The following GFRAL variants were observed in gnomAD, a reference collection of about 807,000 sequenced individuals.
GFRAL encodes GDNF family receptor alpha like.
Under a neutral mutation model 45.4 loss-of-function variants are expected in GFRAL, and 36 were observed. The ratio of observed to expected loss-of-function variants is 0.79; its 90% CI spans 0.61 to 1.05. GFRAL has a LOEUF of 1.05. GFRAL is among the 50% of genes least tolerant of loss of function. The pLI is 0.00. For synonymous variants in GFRAL, 166 were observed against 154.1 expected (o/e 1.08, Z -0.57); for missense variants, 507 against 467.5 (o/e 1.08, Z -0.78).
chr6:55,329,349 A>G (rs1271131274), intron 1 of GFRAL, among the ~76,000 whole-genome samples: 2 of 152,152 alleles, frequency 1.3e-5, no homozygotes, highest in Non-Finnish European at 2.9e-5. Flanking sequence ...GAAGTAAAAC[A>G]TATTTGGGGA....
chr6:55,351,538 C>T lies in GFRAL; in HGVS notation c.656C>T (p.Thr219Ile). Residue 219 changes from threonine to isoleucine, a missense_variant, in exon 5 of 9, where the codon ACT becomes ATT. Transcript: ENST00000340465. ...GCAGTGAACATGGTTCCACCCCCTA[C>T]TTGCCTCAGTGTAATTCGCAGCTGC... ...TCAVNMVPPP[T>I]CLSVIRSCQN... 2 of 1,607,670 alleles carry T rather than the reference C, an allele frequency of 1.2e-6. No individual in the cohort carries two copies. Among genetic ancestry groups the T allele is most frequent in the Non-Finnish European group, 1.7e-6 (2 of 1,174,792 alleles).
At chr6:55,343,550 C>G (rs1328828349) in intron 3 of GFRAL, among the ~76,000 whole-genome samples, 1 of 152,138 alleles carries the variant, frequency 6.6e-6, no homozygotes, top group Non-Finnish European at 1.5e-5. Context: ...AAATTTATAG[C>G]ACTAAATGCC....
intron 3 of GFRAL, among the ~76,000 whole-genome samples, chr6:55,349,699 C>T (rs1768088643): frequency 1.3e-5 from 2 of 151,622 alleles, no homozygotes; most frequent in Non-Finnish European, 2.9e-5. Context: ...CTAAAGAAGA[C>T]CCTTCTGAGA....
chr6:55,393,925 T>C (rs1409993343), intron 6 of GFRAL, among the ~76,000 whole-genome samples: 3 of 152,126 alleles, frequency 2.0e-5, no homozygotes, highest in Non-Finnish European at 4.4e-5. Context: ...AGGAAAAAAG[T>C]TGAGATTACT....
At chr6:55,392,284 G>T (rs1458175053) in intron 6 of GFRAL, among the ~76,000 whole-genome samples, 1 of 152,090 alleles carries the variant, frequency 6.6e-6, no homozygotes, top group Non-Finnish European at 1.5e-5. Flanking sequence ...GAACTTTACG[G>T]GAGCAAGGTC....
chr6:55,377,694 T>C (rs773184612), intron 6 of GFRAL, among the ~76,000 whole-genome samples: 5 of 152,028 alleles, frequency 3.3e-5, no homozygotes, highest in Non-Finnish European at 7.4e-5. Flanking sequence ...TGCCACAGTA[T>C]TTCCAACAAA....
rs1356512708 is a variant in GFRAL, at chr6:55,399,163, T to C, written c.953-17T>C. The C allele has an allele frequency of 1.4e-6, 2 of 1,387,304 alleles. No homozygotes were observed. Among genetic ancestry groups the C allele is most frequent in the Non-Finnish European group, 2.0e-6 (2 of 1,004,176 alleles). The allele number at this position is 1,387,304 out of a possible 1,614,324, so 85.9% of individuals were successfully genotyped here. ...GTATGATATGTAACTAATCTCATTTTTATGATTTTCTTTCAGATTATCCAA... is the reference window on the plus strand; with the variant it reads ...GTATGATATGTAACTAATCTCATTTCTATGATTTTCTTTCAGATTATCCAA... On this transcript the variant is annotated splice_polypyrimidine_tract_variant and intron_variant, in intron 6 of 8. Transcript: ENST00000340465.
At chr6:55,335,346 G>A (rs1308214480) in intron 3 of GFRAL, among the ~76,000 whole-genome samples, 2 of 151,924 alleles carry the variant, frequency 1.3e-5, no homozygotes. Context: ...TTTGAGAGCT[G>A]TTTCTGCAAG....
intron 3 of GFRAL, among the ~76,000 whole-genome samples, chr6:55,348,508 C>T (rs1378632349): frequency 6.6e-6 from 1 of 151,966 alleles, no homozygotes; most frequent in East Asian, 1.9e-4. Flanking sequence ...TCCCCAGTTC[C>T]GGATTACGAA....
At chr6:55,356,548 T>G (rs80075234) in intron 5 of GFRAL, among the ~76,000 whole-genome samples, 7,636 of 151,960 alleles carry the variant, frequency 0.05, 287 homozygotes, top group African/African-American at 0.094. Flanking sequence ...TGGCATCATT[T>G]GTAATATTTC....
chr6:55,389,928 T>C (rs1352997090), intron 6 of GFRAL, among the ~76,000 whole-genome samples: 1 of 152,254 alleles, frequency 6.6e-6, no homozygotes, highest in East Asian at 1.9e-4. Flanking sequence ...TCAGTAGAGA[T>C]AATGATGCTG....
chr6:55,373,267 G>A (rs932034129), intron 6 of GFRAL, among the ~76,000 whole-genome samples: 18 of 152,044 alleles, frequency 1.2e-4, no homozygotes, highest in African/African-American at 4.3e-4. Flanking sequence ...TCCTCTGAAA[G>A]GTTCTTCCTT....
At chr6:55,341,095 G>C (rs1562049532) in intron 3 of GFRAL, among the ~76,000 whole-genome samples, 1 of 152,224 alleles carries the variant, frequency 6.6e-6, no homozygotes, top group African/African-American at 2.4e-5. Context: ...CCACCTCTGT[G>C]GGCAGGGCAT....
At chr6:55,336,958 T>A (rs1020546806) in intron 3 of GFRAL, among the ~76,000 whole-genome samples, 3 of 152,138 alleles carry the variant, frequency 2.0e-5, no homozygotes, top group South Asian at 2.1e-4. Flanking sequence ...CAAATACTTT[T>A]TTAGCCTCTA....
At chr6:55,384,877 A>AC (rs1002682245) in intron 6 of GFRAL, among the ~76,000 whole-genome samples, 1 of 151,612 alleles carries the variant, frequency 6.6e-6, no homozygotes, top group African/African-American at 2.4e-5. Flanking sequence ...AAAAAAAAAA[A>AC]AAGTCAGACT....
In GFRAL at chr6:55,348,239, T is replaced by A. The variant is rs74372032; in HGVS notation, c.317-1853T>A. Reference sequence around the variant, plus strand: ...AAAATATCCTCTGGGAAAAAATGAGTGTGTGTGTGTGTGTGTGTGTATGTG... The same window carrying A: ...AAAATATCCTCTGGGAAAAAATGAGAGTGTGTGTGTGTGTGTGTGTATGTG... On this transcript the variant is annotated intron_variant, in intron 3 of 8. Coordinates refer to ENST00000340465, the MANE Select transcript of GFRAL (RefSeq NM_207410.2). Among the ~76,000 whole-genome samples the A allele has an allele frequency of 1.1e-4, 5 of 43,840 alleles. No homozygotes were observed. In the East Asian group the frequency reaches 1.5e-3, roughly 13 times the overall value. 28.8% of individuals were successfully genotyped at this position (43,840 alleles called of 152,430 possible). A position where few individuals can be genotyped will look rare whatever the true frequency, so the allele number is the denominator to read the frequency against.
intron 5 of GFRAL, among the ~76,000 whole-genome samples, chr6:55,355,872 T>C (rs766475504): frequency 3.3e-5 from 5 of 152,040 alleles, no homozygotes; most frequent in Non-Finnish European, 5.9e-5. Flanking sequence ...CTGTCATATA[T>C]GGCATTTATT....
chr6:55,386,352 C>T (rs1768682036), intron 6 of GFRAL, among the ~76,000 whole-genome samples: 1 of 152,086 alleles, frequency 6.6e-6, no homozygotes, highest in South Asian at 2.1e-4. Context: ...ACCTAAGGGA[C>T]ATTCAAAAAT....
chr6:55,377,134 C>A (rs114639134), intron 6 of GFRAL, among the ~76,000 whole-genome samples: 3 of 151,998 alleles, frequency 2.0e-5, no homozygotes, highest in African/African-American at 7.2e-5. Context: ...ATCTGATCTC[C>A]TTTGCAAATT....
Sources: gnomAD v4.1 joint callset for allele counts (sites outside exome capture counted in the v4.1 genomes callset) on GRCh38, gnomAD v4.1.1 for gene constraint, MANE v1.5 for transcripts, NCBI Gene and HGNC (gene_info 2026-07-23, HGNC 2026-07-21) for gene names.